POU6F2: variants seen among roughly 807,000 people sequenced by gnomAD.
POU6F2 encodes the protein POU domain, class 6, transcription factor 2.
POU6F2 carries 31 observed loss-of-function variants against 71.3 expected under a neutral mutation model. That is an observed-to-expected ratio of 0.43 (90% CI 0.33 to 0.59). POU6F2 has a LOEUF of 0.59. POU6F2 is among the 20% of genes least tolerant of loss of function. The pLI is 0.04. For synonymous variants in POU6F2, 347 were observed against 355.7 expected (o/e 0.98, Z 0.27); for missense variants, 783 against 856.8 (o/e 0.91, Z 1.07).
chr7:39,211,584 C>G (rs937438749), intron 4 of POU6F2, among the ~76,000 whole-genome samples: 6 of 152,124 alleles, frequency 3.9e-5, no homozygotes, highest in Admixed American at 2.0e-4. Context: ...CAGATCCTTC[C>G]CAGCAAGAAA....
intron 7 of POU6F2, among the ~76,000 whole-genome samples, chr7:39,442,062 G>A (rs2237386): frequency 0.012 from 1,764 of 152,160 alleles, 28 homozygotes; most frequent in East Asian, 0.06. Flanking sequence ...ATCCAACCAC[G>A]AAAACAAACC....
At chr7:39,113,480 A>G (rs1791865334) in intron 2 of POU6F2, among the ~76,000 whole-genome samples, 2 of 152,194 alleles carry the variant, frequency 1.3e-5, no homozygotes, top group South Asian at 4.1e-4. Context: ...AGGAAATGAC[A>G]TAATCAAGGA....
rs148888087 is a variant in POU6F2 at position 39,126,988 on chromosome 7, C to A, written c.277+40957C>A. ...TATGTAATTTTAAACTTTCTAGTAGCCACATTAAAAAAATAACTAAAGACA... is the reference window on the plus strand; with the variant it reads ...TATGTAATTTTAAACTTTCTAGTAGACACATTAAAAAAATAACTAAAGACA... On this transcript the variant is annotated intron_variant, in intron 2 of 9. Coordinates refer to ENST00000518318, the MANE Select transcript of POU6F2 (RefSeq NM_001370959.1). Among the ~76,000 whole-genome samples the A allele has an allele frequency of 6.0e-3, 917 of 151,680 alleles. 6 individuals are homozygous for A. Among genetic ancestry groups the A allele is most frequent in the Non-Finnish European group, 8.6e-3 (585 of 67,908 alleles).
chr7:39,442,462 C>G (rs900024139), intron 7 of POU6F2, among the ~76,000 whole-genome samples: 1 of 152,174 alleles, frequency 6.6e-6, no homozygotes, highest in African/African-American at 2.4e-5. Context: ...TCTTCTCACT[C>G]AAAATCTAAA....
chr7:39,229,891 C>T (rs1175417403), intron 4 of POU6F2, among the ~76,000 whole-genome samples: 2 of 152,194 alleles, frequency 1.3e-5, no homozygotes, highest in Non-Finnish European at 2.9e-5. Context: ...ACATGCAGCT[C>T]ACGTTTATTG....
chr7:39,406,683 T>C lies in POU6F2; in HGVS notation c.1056T>C (p.Asn352=). 1 of 1,613,796 alleles carries C rather than the reference T, an allele frequency of 6.2e-7. No individual in the cohort carries two copies. The highest frequency in any genetic ancestry group is 1.7e-5 in the Admixed American group (1 of 60,014). The change falls in exon 6 of 10, where the codon AAT becomes AAC. Residue 352 remains asparagine (N), a synonymous_variant. Transcript: ENST00000518318. Reference sequence around the variant, plus strand: ...TAGCAAGCTCACAGGCCTTTGGCAATGCCCTCTCCAGTCTTCAGGGGGTCA... The same window carrying C: ...TAGCAAGCTCACAGGCCTTTGGCAACGCCCTCTCCAGTCTTCAGGGGGTCA... The part of the protein sequence containing the change: ...SSIASSQAFG[N]ALSSLQGVTG...
intron 4 of POU6F2, among the ~76,000 whole-genome samples, chr7:39,226,954 C>T (rs990609283): frequency 9.2e-5 from 14 of 152,274 alleles, no homozygotes; most frequent in Admixed American, 2.0e-4. Context: ...CAGATGGTCA[C>T]GACTTTTTGA....
rs192309744 is a variant in POU6F2 at position 39,086,006 on chromosome 7, C to T, written c.252C>T (p.Ser84=). The change falls in exon 2 of 10, where the codon AGC becomes AGT. Residue 84 remains serine (S), a synonymous_variant. Transcript: ENST00000518318. ...TTGCGCCTGTGGAATCAAATGACAGCGAGGACACTCCCAGCAAGCTCTTCG... is the reference window on the plus strand; with the variant it reads ...TTGCGCCTGTGGAATCAAATGACAGTGAGGACACTCCCAGCAAGCTCTTCG... ...PLLAPVESND[S]EDTPSKLFGA... 2.8e-5 allele frequency: 45 copies of T among 1,613,626 alleles called. No individual in the cohort carries two copies. In the East Asian group the frequency reaches 5.4e-4, roughly 19 times the overall value.
rs369001229 is a variant in POU6F2, at chr7:39,053,343, A to G, written c.106-32517A>G. On this transcript the variant is annotated intron_variant, in intron 1 of 9. Coordinates refer to ENST00000518318, the MANE Select transcript of POU6F2 (RefSeq NM_001370959.1). ...ATTGGATCCCTGGTAATTTTGCCCA[A>G]TAAGGTACTTTCTAAAAGAGAATCC... Among the ~76,000 whole-genome samples the G allele has an allele frequency of 8.6e-3, 1,306 of 152,226 alleles. 5 individuals carry two copies. The highest frequency in any genetic ancestry group is 0.014 in the Non-Finnish European group (986 of 68,012).
intron 4 of POU6F2, 70 bp from the exon 5 acceptor site, chr7:39,339,572 C>A: frequency 1.3e-6 from 2 of 1,504,020 alleles, no homozygotes; most frequent in Non-Finnish European, 1.8e-6. Context: ...TTGCACTGGA[C>A]AGGCTGTCAA....
At chr7:39,463,174 T>C (rs1234044915) in intron 9 of POU6F2, among the ~76,000 whole-genome samples, 2 of 152,222 alleles carry the variant, frequency 1.3e-5, no homozygotes, top group Non-Finnish European at 2.9e-5. Context: ...AATTCCTACT[T>C]TTTTTGTACT....
At chr7:39,306,006 T>TAA (rs11396165) in intron 4 of POU6F2, among the ~76,000 whole-genome samples, 67 of 150,536 alleles carry the variant, frequency 4.5e-4, no homozygotes, top group South Asian at 1.7e-3. Context: ...TCTTTCCCTT[T>TAA]AAAAAAAAAA....
intron 1 of POU6F2, among the ~76,000 whole-genome samples, chr7:39,037,528 A>G (rs1264149787): frequency 1.3e-5 from 2 of 151,888 alleles, no homozygotes; most frequent in African/African-American, 2.4e-5. Context: ...ATTTTTTTTG[A>G]AAAGGCATTT....
intron 5 of POU6F2, among the ~76,000 whole-genome samples, chr7:39,370,313 G>A (rs952265381): frequency 3.3e-5 from 5 of 152,182 alleles, no homozygotes; most frequent in Admixed American, 1.3e-4. Flanking sequence ...CAAGACTAAC[G>A]TGCAACATAA....
At chr7:39,257,520 G>C (rs78236017) in intron 4 of POU6F2, among the ~76,000 whole-genome samples, 102 of 152,090 alleles carry the variant, frequency 6.7e-4, no homozygotes, top group African/African-American at 2.3e-3. Context: ...CGCTTACATT[G>C]TGTCTCCGTA....
chr7:39,104,555 G>C (rs547182753), intron 2 of POU6F2, among the ~76,000 whole-genome samples: 1 of 152,284 alleles, frequency 6.6e-6, no homozygotes, highest in East Asian at 1.9e-4. Flanking sequence ...AGACAGGGGA[G>C]GGGGAAGGGA....
At chr7:39,256,359 G>A (rs1008714893) in intron 4 of POU6F2, among the ~76,000 whole-genome samples, 5 of 152,126 alleles carry the variant, frequency 3.3e-5, no homozygotes, top group African/African-American at 1.2e-4. Flanking sequence ...AAATCCCCAG[G>A]AGAGGATCCC....
intron 5 of POU6F2, among the ~76,000 whole-genome samples, chr7:39,348,879 G>T (rs1177316724): frequency 6.6e-6 from 1 of 152,192 alleles, no homozygotes; most frequent in East Asian, 1.9e-4. Flanking sequence ...AAGGCTAAAA[G>T]ACATCCTGCA....
intron 4 of POU6F2, among the ~76,000 whole-genome samples, chr7:39,317,893 A>G (rs73384940): frequency 2.0e-5 from 3 of 152,096 alleles, no homozygotes; most frequent in African/African-American, 7.2e-5. Context: ...ATTCTCATAC[A>G]TTTGGCAGAA....
Sources: gnomAD v4.1 joint callset for allele counts (sites outside exome capture counted in the v4.1 genomes callset) on GRCh38, gnomAD v4.1.1 for gene constraint, MANE v1.5 for transcripts, NCBI Gene and HGNC (gene_info 2026-07-23, HGNC 2026-07-21) for gene names.